The following TYW1 variants were observed in gnomAD, a reference collection of about 807,000 sequenced individuals.
The protein encoded by TYW1 is tRNA-yW synthesizing protein 1 homolog.
In TYW1, 46 loss-of-function variants were observed where a neutral mutation model predicts 96.2. The observed-to-expected ratio is 0.48, with a 90% CI of 0.38 to 0.61. TYW1 has a LOEUF of 0.61. Ranked by LOEUF, TYW1 falls within the 20% of genes least tolerant of loss-of-function variation. The pLI is 0.00. For missense variants in TYW1, 684 were observed against 909.6 expected, an observed-to-expected ratio of 0.75 and a Z score of 3.19; for synonymous variants, 274 against 323.0, an observed-to-expected ratio of 0.85 and a Z score of 1.63.
At chr7:67,194,188 T>G (rs1224985145) in intron 14 of TYW1, among the ~76,000 whole-genome samples, 1 of 152,198 alleles carries the variant, frequency 6.6e-6, no homozygotes, top group Non-Finnish European at 1.5e-5. Flanking sequence ...GCAGTTGTAC[T>G]TAAGAATTTC....
chr7:67,063,776 G>C (rs1233534731), intron 9 of TYW1, among the ~76,000 whole-genome samples: 1 of 152,038 alleles, frequency 6.6e-6, no homozygotes, highest in Admixed American at 6.6e-5. Flanking sequence ...GCTAATTTTT[G>C]TATTTTTAGT....
chr7:67,042,458 G>A (rs1462952362), intron 7 of TYW1, among the ~76,000 whole-genome samples: 4 of 152,114 alleles, frequency 2.6e-5, no homozygotes, highest in African/African-American at 4.8e-5. Context: ...GGAGGAATAG[G>A]GTGTTAGGGG....
intron 13 of TYW1, among the ~76,000 whole-genome samples, chr7:67,180,425 A>ATATATATATATATTAT: frequency 1.5e-5 from 1 of 68,626 alleles, no homozygotes; most frequent in African/African-American, 7.3e-5. Context: ...TATATATATA[A>ATATATATATATATTAT]TTTTTTTTTT....
intron 8 of TYW1, among the ~76,000 whole-genome samples, chr7:67,053,988 C>T (rs1795437854): frequency 1.3e-5 from 2 of 152,186 alleles, no homozygotes; most frequent in Admixed American, 1.3e-4. Flanking sequence ...TGCTACATGG[C>T]CTGGAAGGTT....
chr7:67,156,213 G>T (rs1199157980), intron 13 of TYW1, among the ~76,000 whole-genome samples: 1 of 152,212 alleles, frequency 6.6e-6, no homozygotes, highest in African/African-American at 2.4e-5. Context: ...GCAGTCATGG[G>T]CTGGGCCTGT....
chr7:67,209,734 G>A (rs969086242), intron 15 of TYW1, among the ~76,000 whole-genome samples: 2 of 151,970 alleles, frequency 1.3e-5, no homozygotes, highest in African/African-American at 4.8e-5. Flanking sequence ...CACCACGCCC[G>A]GCTACTTTTG....
In TYW1 at chr7:67,035,646, T is replaced by C. The variant is rs1264969778; in HGVS notation, c.984+10624T>C. Reference sequence around the variant, plus strand: ...ACAGAAAATCAGCTAAGGGAAGACATGCACAAGGCAATGCCTGGGAAGTTC... The same window carrying C: ...ACAGAAAATCAGCTAAGGGAAGACACGCACAAGGCAATGCCTGGGAAGTTC... On this transcript the variant is annotated intron_variant, in intron 7 of 15. Transcript: ENST00000359626. Among the ~76,000 whole-genome samples the C allele has an allele frequency of 5.3e-5, 8 of 152,258 alleles. No homozygotes were observed. The East Asian group carries it at 1.5e-3, about 29-fold the overall frequency.
At chr7:67,027,302 T>C (rs1185644822) in intron 7 of TYW1, among the ~76,000 whole-genome samples, 6 of 152,126 alleles carry the variant, frequency 3.9e-5, no homozygotes, top group Non-Finnish European at 7.3e-5. Flanking sequence ...AAAAATCATA[T>C]AGATAGTAGA....
At chr7:67,142,499 GC>G (rs888469746) in intron 13 of TYW1, among the ~76,000 whole-genome samples, 4 of 152,080 alleles carry the variant, frequency 2.6e-5, no homozygotes, top group South Asian at 2.1e-4. Context: ...CATGATCTCA[GC>G]TCACTGAAGT....
intron 13 of TYW1, among the ~76,000 whole-genome samples, chr7:67,120,282 A>G (rs1006445888): frequency 7.1e-6 from 1 of 141,782 alleles, no homozygotes; most frequent in African/African-American, 2.8e-5. Context: ...GGGTTTCACC[A>G]TGTTGGCCAG....
chr7:67,092,523 A>ACTCC (rs1417991291), intron 11 of TYW1, among the ~76,000 whole-genome samples: 1 of 148,958 alleles, frequency 6.7e-6, no homozygotes, highest in African/African-American at 2.5e-5. Flanking sequence ...CTCTTGGCCT[A>ACTCC]CTCCCTCACC....
intron 8 of TYW1, among the ~76,000 whole-genome samples, chr7:67,050,546 C>T (rs1316676994): frequency 6.6e-6 from 1 of 152,068 alleles, no homozygotes; most frequent in Non-Finnish European, 1.5e-5. Context: ...CACTTCCCCT[C>T]TATATTTATG....
chr7:67,238,288 A>G lies in TYW1; in HGVS notation c.1978-20A>G, dbSNP rs756241290. 8.2e-6 allele frequency: 13 copies of G among 1,592,828 alleles called. No homozygotes were observed. The highest frequency in any genetic ancestry group is 4.5e-5 in the East Asian group (2 of 44,664). On this transcript the variant is annotated intron_variant, in intron 15 of 15. Coordinates refer to ENST00000359626, the MANE Select transcript of TYW1 (RefSeq NM_018264.4). ...TAGGGATGTTTTTACTTCTGACTTG[A>G]CACATTTTTTTCTTTCCAGTTTAAA...
intron 12 of TYW1, among the ~76,000 whole-genome samples, chr7:67,100,846 A>G (rs981463345): frequency 1.6e-5 from 2 of 127,160 alleles, no homozygotes; most frequent in African/African-American, 5.9e-5. Context: ...CCTGGGCTAC[A>G]GAGCAAAAAA....
rs911590617 is a variant in TYW1 at position 67,089,245 on chromosome 7, AGAG to A, written c.1384+5709_1384+5711del. The A allele has an allele frequency of 1.1e-4, 134 of 1,270,138 alleles. No individual in the cohort carries two copies. The Middle Eastern group carries it at 2.2e-3, about 21-fold the overall frequency. The allele number at this position is 1,270,138 out of a possible 1,614,324, so 78.7% of individuals were successfully genotyped here. A position where few individuals can be genotyped will look rare whatever the true frequency, so the allele number is the denominator to read the frequency against. On this transcript the variant is annotated intron_variant, in intron 11 of 15. Coordinates refer to ENST00000359626, the MANE Select transcript of TYW1 (RefSeq NM_018264.4). ...ATACAAGCCCTGGGGGTAGCGGGCA[AGAG>A]GAACTCCCTCAGTGGGGTGGGGGCA...
At position 67,009,565 on chromosome 7, in the gene TYW1, T is replaced by G. The variant is rs766944104; in HGVS notation, c.274-18T>G. 4 of 1,606,532 alleles carry G rather than the reference T, an allele frequency of 2.5e-6. No individual in the cohort carries two copies. Among genetic ancestry groups the G allele is most frequent in the Non-Finnish European group, 2.5e-6 (3 of 1,177,904 alleles). On this transcript the variant is annotated intron_variant, in intron 3 of 15. Coordinates refer to ENST00000359626, the MANE Select transcript of TYW1 (RefSeq NM_018264.4). Reference sequence around the variant, plus strand: ...GCTCATTGAAGACTTTATTTGATGTTTTTTTTGGTCCTATTAGGGATTCGC... The same window carrying G: ...GCTCATTGAAGACTTTATTTGATGTGTTTTTTGGTCCTATTAGGGATTCGC...
chr7:67,069,209 T>C (rs1795961076), intron 10 of TYW1, among the ~76,000 whole-genome samples: 1 of 152,214 alleles, frequency 6.6e-6, no homozygotes, highest in African/African-American at 2.4e-5. Context: ...GTTACAAATA[T>C]GAAATCAGAT....
intron 15 of TYW1, among the ~76,000 whole-genome samples, chr7:67,213,088 G>A (rs1268243844): frequency 6.6e-6 from 1 of 151,944 alleles, no homozygotes; most frequent in Non-Finnish European, 1.5e-5. Context: ...AGCCAGGCTA[G>A]TCTCGAACTC....
At chr7:67,144,869 CA>C (rs1272945204) in intron 13 of TYW1, among the ~76,000 whole-genome samples, 1 of 151,810 alleles carries the variant, frequency 6.6e-6, no homozygotes, top group Non-Finnish European at 1.5e-5. Flanking sequence ...TATTTATTTC[CA>C]AAAACTAATA....
Sources: allele counts gnomAD v4.1 joint callset (sites outside exome capture counted in the v4.1 genomes callset), GRCh38; gene constraint gnomAD v4.1.1; transcripts MANE v1.5; gene names NCBI Gene and HGNC (gene_info 2026-07-23, HGNC 2026-07-21).